IFT81: variants seen among roughly 807,000 people sequenced by gnomAD.
The protein encoded by IFT81 is intraflagellar transport protein 81 homolog.
IFT81 carries 72 observed loss-of-function variants against 102.6 expected under a neutral mutation model. The ratio of observed to expected loss-of-function variants is 0.70; its 90% CI spans 0.58 to 0.85. The LOEUF (loss-of-function observed/expected upper bound fraction) is 0.85. IFT81 is among the 40% of genes least tolerant of loss of function. The pLI is 0.00. For synonymous variants in IFT81, 237 were observed against 242.7 expected (o/e 0.98, Z 0.22); for missense variants, 723 against 787.3 (o/e 0.92, Z 0.98).
intron 12 of IFT81, among the ~76,000 whole-genome samples, chr12:110,187,948 C>CTG (rs2137537663): frequency 6.6e-6 from 1 of 152,198 alleles, no homozygotes; most frequent in East Asian, 1.9e-4. Flanking sequence ...AGGCATTTAC[C>CTG]AAAGCCTGTG....
At chr12:110,176,031 T>A (rs952367137) in intron 11 of IFT81, among the ~76,000 whole-genome samples, 1 of 152,076 alleles carries the variant, frequency 6.6e-6, no homozygotes, top group Non-Finnish European at 1.5e-5. Flanking sequence ...ATTTTCACCC[T>A]CTGTGTCTAT....
intron 14 of IFT81, 69 bp downstream of exon 14, chr12:110,192,775 G>A: frequency 1.2e-6 from 1 of 848,210 alleles, no homozygotes; most frequent in Non-Finnish European, 1.9e-6. Context: ...ATTCACATGT[G>A]CTAGTTAGAA....
chr12:110,195,666 A>G (rs1461680280), intron 14 of IFT81, among the ~76,000 whole-genome samples: 1 of 152,088 alleles, frequency 6.6e-6, no homozygotes, highest in African/African-American at 2.4e-5. Context: ...CTAGACCTGT[A>G]ATTATTAGAT....
chr12:110,213,105 G>T (rs1869676883), intron 18 of IFT81, among the ~76,000 whole-genome samples: 2 of 152,058 alleles, frequency 1.3e-5, no homozygotes, highest in South Asian at 4.1e-4. Flanking sequence ...CTACCGAAAA[G>T]AATTTAAAAT....
chr12:110,192,766 T>C, intron 14 of IFT81, 60 bp downstream of exon 14: 1 of 933,744 alleles, frequency 1.1e-6, no homozygotes, highest in African/African-American at 1.7e-5. Context: ...TTCTATCTTA[T>C]TCACATGTGC....
intron 17 of IFT81, among the ~76,000 whole-genome samples, chr12:110,207,765 G>A (rs1378231434): frequency 1.3e-5 from 2 of 151,634 alleles, no homozygotes; most frequent in African/African-American, 2.4e-5. Context: ...GGGTTTCACC[G>A]TGTTAGCCAG....
At position 110,147,012 on chromosome 12, in the gene IFT81, G is replaced by A. The variant is rs759782028; in HGVS notation, c.1005G>A (p.Glu335=). The A allele has an allele frequency of 3.1e-6, 5 of 1,610,706 alleles. No homozygotes were observed. Among genetic ancestry groups the A allele is most frequent in the African/African-American group, 2.7e-5 (2 of 74,746 alleles). Residue 335 remains glutamate (E), a synonymous_variant, in exon 10 of 19, where the codon GAG becomes GAA. Transcript: ENST00000242591. ...QLIEKKMMRN[E]PIEGKLSLYR... ...TTGAAAAGAAAATGATGAGAAATGA[G>A]CCCATTGAAGGCAAACTCTCACTGT...
intron 10 of IFT81, among the ~76,000 whole-genome samples, chr12:110,155,488 T>G (rs752478251): frequency 6.6e-6 from 1 of 152,130 alleles, no homozygotes; most frequent in Non-Finnish European, 1.5e-5. Flanking sequence ...TTTTTTGTAT[T>G]TTCAGTAGAG....
intron 12 of IFT81, among the ~76,000 whole-genome samples, chr12:110,186,909 A>G (rs1371925104): frequency 6.7e-6 from 1 of 149,430 alleles, no homozygotes; most frequent in Non-Finnish European, 1.5e-5. Context: ...GGACATTTTC[A>G]CCACTTTCCA....
intron 13 of IFT81, 87 bp downstream of exon 13, chr12:110,191,135 A>C (rs1593356740): frequency 1.7e-6 from 2 of 1,167,736 alleles, no homozygotes. Flanking sequence ...TGAAACATTC[A>C]CCTGTTAATT....
intron 12 of IFT81, among the ~76,000 whole-genome samples, chr12:110,184,843 G>A (rs1897453601): frequency 1.3e-5 from 2 of 152,218 alleles, no homozygotes; most frequent in Admixed American, 1.3e-4. Context: ...GCTAAGAGCA[G>A]CTCCAGGGAA....
At chr12:110,146,766 C>A (rs971730813) in intron 9 of IFT81, among the ~76,000 whole-genome samples, 187 bp from the exon 10 acceptor site, 17 of 151,568 alleles carry the variant, frequency 1.1e-4, no homozygotes, top group African/African-American at 4.1e-4. Context: ...CCCAGGAATT[C>A]AAAATCAGTC....
chr12:110,211,265 C>T (rs562008100), intron 18 of IFT81, among the ~76,000 whole-genome samples: 10 of 150,196 alleles, frequency 6.7e-5, no homozygotes, highest in African/African-American at 2.4e-4. Flanking sequence ...TCTCAGCTCA[C>T]TGCATCCTCT....
rs570387949 is a variant in IFT81 at position 110,144,912 on chromosome 12, C to T, written c.945+1367C>T. 1.0e-3 allele frequency among the ~76,000 whole-genome samples: 144 copies of T among 139,902 alleles called. 1 individual carries two copies. The highest frequency in any genetic ancestry group is 4.1e-3 in the Middle Eastern group (1 of 242). The allele number at this position is 139,902 out of a possible 152,430, so 91.8% of individuals were successfully genotyped here. On this transcript the variant is annotated intron_variant, in intron 9 of 18. Coordinates refer to ENST00000242591, the MANE Select transcript of IFT81 (RefSeq NM_014055.4). The stretch of plus-strand genomic sequence containing the variant: ...GACGGAACTTGCTCTGTTGCCCAGG[C>T]TGGAGTGCAGTGGCACAATCTCAGC...
chr12:110,171,293 G>A (rs1896713890), intron 11 of IFT81, among the ~76,000 whole-genome samples: 1 of 149,232 alleles, frequency 6.7e-6, no homozygotes, highest in Non-Finnish European at 1.5e-5. Context: ...AGAATTAACT[G>A]CTTGGACAGC....
chr12:110,216,087 A>C (rs905183434), intron 18 of IFT81, among the ~76,000 whole-genome samples: 1 of 152,240 alleles, frequency 6.6e-6, no homozygotes, highest in Admixed American at 6.5e-5. Context: ...TAATTTATCA[A>C]GTATTTCAAT....
chr12:110,182,734 G>A (rs1377074814), intron 12 of IFT81, among the ~76,000 whole-genome samples: 1 of 152,146 alleles, frequency 6.6e-6, no homozygotes, highest in African/African-American at 2.4e-5. Flanking sequence ...TAAGTGTCAA[G>A]GGCCTCTTAA....
intron 11 of IFT81, among the ~76,000 whole-genome samples, chr12:110,163,709 G>A (rs761048349): frequency 2.7e-5 from 4 of 149,288 alleles, no homozygotes; most frequent in Non-Finnish European, 5.9e-5. Flanking sequence ...TCTGCCTTCT[G>A]GGTTCAAGTG....
intron 12 of IFT81, among the ~76,000 whole-genome samples, chr12:110,181,856 A>T (rs1343414357): frequency 1.3e-5 from 2 of 152,206 alleles, no homozygotes; most frequent in Non-Finnish European, 2.9e-5. Context: ...GAGTACCTTC[A>T]GAAGGAGGGG....
Sources: gnomAD v4.1 joint callset for allele counts (sites outside exome capture counted in the v4.1 genomes callset) on GRCh38, gnomAD v4.1.1 for gene constraint, MANE v1.5 for transcripts, NCBI Gene and HGNC (gene_info 2026-07-23, HGNC 2026-07-21) for gene names.